Variants in SLC17A5 observed in about 807,000 individuals in gnomAD.
The protein encoded by SLC17A5 is sialin.
In SLC17A5, 47 loss-of-function variants were observed where a neutral mutation model predicts 59.4. That is an observed-to-expected ratio of 0.79 (90% confidence interval 0.63 to 1.01). The LOEUF (loss-of-function observed/expected upper bound fraction) is 1.01. Among genes scored for constraint, SLC17A5 ranks in the 50% least tolerant of loss-of-function variants. The probability of loss-of-function intolerance (pLI) is 0.00; values close to 1 mark genes in which losing one functional copy is unlikely to be tolerated. For synonymous variants in SLC17A5, 202 were observed against 210.7 expected, an observed-to-expected ratio of 0.96 and a Z score of 0.36; for missense variants, 522 against 595.5, an observed-to-expected ratio of 0.88 and a Z score of 1.28.
At chr6:73,621,706 G>A (rs1284864217) in intron 7 of SLC17A5, 98 bp downstream of exon 7, 14 of 972,644 alleles carry the variant, frequency 1.4e-5, no homozygotes, top group Non-Finnish European at 2.0e-5. Flanking sequence ...AGAGTAAAAT[G>A]GAAGATACAG....
chr6:73,623,869 T>C (rs571956357), intron 6 of SLC17A5, among the ~76,000 whole-genome samples: 6 of 151,304 alleles, frequency 4.0e-5, no homozygotes, highest in African/African-American at 1.5e-4. Flanking sequence ...GGCAAATGTT[T>C]TGTATTTTTA....
At chr6:73,641,975 A>G (rs1349555335) in intron 2 of SLC17A5, 51 bp from the exon 3 acceptor site, 1 of 1,469,704 alleles carries the variant, frequency 6.8e-7, no homozygotes, top group Non-Finnish European at 9.5e-7. Flanking sequence ...TTCACAGAGC[A>G]GCTCTTTTCT....
intron 6 of SLC17A5, among the ~76,000 whole-genome samples, chr6:73,630,555 A>AG (rs1768653626): frequency 6.6e-6 from 1 of 152,144 alleles, no homozygotes; most frequent in African/African-American, 2.4e-5. Context: ...ATGGCATCCC[A>AG]GTGCCTAAAG....
chr6:73,622,667 G>A (rs625086), intron 6 of SLC17A5, among the ~76,000 whole-genome samples: 9 of 151,950 alleles, frequency 5.9e-5, no homozygotes, highest in African/African-American at 2.2e-4. Context: ...GAGATTGGAA[G>A]GTCCTGTTAG....
intron 8 of SLC17A5, among the ~76,000 whole-genome samples, chr6:73,611,078 A>G (rs1289875879): frequency 6.6e-6 from 1 of 152,044 alleles, no homozygotes; most frequent in African/African-American, 2.4e-5. Context: ...CCCTGTCTCT[A>G]CGAAATATTA....
At chr6:73,647,161 T>G (rs1043255717) in intron 1 of SLC17A5, among the ~76,000 whole-genome samples, 9 of 152,374 alleles carry the variant, frequency 5.9e-5, no homozygotes, top group African/African-American at 1.2e-4. Flanking sequence ...GATCATTACC[T>G]ATTTCAGCAA....
At chr6:73,601,495 G>A (rs13207135) in intron 9 of SLC17A5, among the ~76,000 whole-genome samples, 3 of 129,562 alleles carry the variant, frequency 2.3e-5, no homozygotes, top group Middle Eastern at 4.0e-3. Context: ...CAGCCGCCCC[G>A]TCCGGGAGGG....
chr6:73,612,789 C>T (rs473473), intron 8 of SLC17A5, among the ~76,000 whole-genome samples: 63,394 of 151,956 alleles, frequency 0.42, 14,065 homozygotes, highest in African/African-American at 0.57. Context: ...CAGTGGCTCA[C>T]GCCTGTAATT....
chr6:73,641,024 A>G (rs1390838336), intron 3 of SLC17A5, among the ~76,000 whole-genome samples: 1 of 152,204 alleles, frequency 6.6e-6, no homozygotes, highest in Non-Finnish European at 1.5e-5. Context: ...TTGGGCATCA[A>G]TGATAGAGCA....
intron 1 of SLC17A5, chr6:73,645,438 C>G: frequency 5.1e-6 from 5 of 985,250 alleles, no homozygotes; most frequent in Non-Finnish European, 6.0e-6. Flanking sequence ...CAGTAGTTAT[C>G]AAGCGTAAAG....
In SLC17A5 at chr6:73,626,526, C is replaced by T. The variant is rs183048267; in HGVS notation, c.820-4564G>A. Among the ~76,000 whole-genome samples, 79 of 152,234 alleles carry T rather than the reference C, an allele frequency of 5.2e-4. 2 individuals are homozygous for T. Among genetic ancestry groups the T allele is most frequent in the Admixed American group, 4.6e-3 (71 of 15,280 alleles). ...AACTTTCAAGTTAAAGATGAATTTT[C>T]AAATGTTACTAGGAGAAACTATCCG... On this transcript the variant is annotated intron_variant, in intron 6 of 10. Coordinates refer to ENST00000355773, the MANE Select transcript of SLC17A5 (RefSeq NM_012434.5).
At chr6:73,624,948 A>G (rs2150102683) in intron 6 of SLC17A5, among the ~76,000 whole-genome samples, 1 of 152,292 alleles carries the variant, frequency 6.6e-6, no homozygotes, top group East Asian at 1.9e-4. Flanking sequence ...TGATCAAGAA[A>G]GCTTGGATAC....
rs1375627657 is a variant in SLC17A5 at position 73,638,459 on chromosome 6, C to G, written c.566G>C (p.Trp189Ser). ...FPAMHAMWSSWAPPLERSKLL... is the reference protein window; with the variant it reads ...FPAMHAMWSSSAPPLERSKLL... ...TTTGCTTCTTTCAAGAGGGGGAGCC[C>G]AAGAAGACCACATGGCATGCATGGC... The change falls in exon 4 of 11, where the codon TGG (tryptophan) becomes TCG (serine). Residue 189 changes from tryptophan (W) to serine (S), a missense_variant. Around this residue, in one of 3 missense-constraint regions of SLC17A5, gnomAD observed 338 missense variants for 363.8 expected, o/e 0.93. Transcript: ENST00000355773. The G allele has an allele frequency of 1.2e-6, 2 of 1,613,820 alleles. No homozygotes were observed. Among genetic ancestry groups the G allele is most frequent in the Non-Finnish European group, 1.7e-6 (2 of 1,179,948 alleles).
At position 73,641,795 on chromosome 6, in the gene SLC17A5, A is replaced by G. The variant is rs779264733; in HGVS notation, c.421T>C (p.Phe141Leu). 6.8e-6 allele frequency: 11 copies of G among 1,614,094 alleles called. No homozygotes were observed. The East Asian group carries it at 8.9e-5, about 13-fold the overall frequency. ...SKIGGKMLLGFGILGTAVLTL... is the reference protein window; with the variant it reads ...SKIGGKMLLGLGILGTAVLTL... Reference sequence around the variant, plus strand: ...AGGACAGCAGTGCCAAGGATCCCAAATCCTAGCAGCATTTTCCCCCCTATT... The same window carrying G: ...AGGACAGCAGTGCCAAGGATCCCAAGTCCTAGCAGCATTTTCCCCCCTATT... Residue 141 changes from phenylalanine (F) to leucine (L), a missense_variant, in exon 3 of 11, where the codon TTT (phenylalanine) becomes CTT (leucine). This residue lies in a region of SLC17A5 where 338 missense variants were observed against 363.8 expected (regional missense o/e 0.93). Transcript: ENST00000355773.
chr6:73,625,229 C>T (rs1768349342), intron 6 of SLC17A5, among the ~76,000 whole-genome samples: 2 of 152,038 alleles, frequency 1.3e-5, no homozygotes, highest in African/African-American at 4.8e-5. Flanking sequence ...CTCTGTTGTC[C>T]AGGATGGAGT....
At chr6:73,631,827 T>C (rs867843020) in intron 6 of SLC17A5, among the ~76,000 whole-genome samples, 1 of 151,660 alleles carries the variant, frequency 6.6e-6, no homozygotes, top group African/African-American at 2.4e-5. Context: ...TTTATTTTTT[T>C]CCTCTTATTC....
At chr6:73,639,114 C>T (rs1756987752) in intron 3 of SLC17A5, among the ~76,000 whole-genome samples, 1 of 152,116 alleles carries the variant, frequency 6.6e-6, no homozygotes, top group African/African-American at 2.4e-5. Flanking sequence ...TACAGCCTTT[C>T]TTCTTTTTTT....
intron 6 of SLC17A5, among the ~76,000 whole-genome samples, chr6:73,624,175 G>A (rs1046154762): frequency 2.0e-5 from 3 of 151,150 alleles, no homozygotes; most frequent in South Asian, 2.1e-4. Context: ...AGGCCGAGGC[G>A]GGCAGATAAC....
At chr6:73,615,495 A>C (rs1767814518) in intron 7 of SLC17A5, 48 bp from the exon 8 acceptor site, 1 of 1,586,914 alleles carries the variant, frequency 6.3e-7, no homozygotes, top group Non-Finnish European at 8.6e-7. Flanking sequence ...AGAGAAAAAA[A>C]CAAAACATAC....
Sources: gnomAD v4.1 joint callset for allele counts (sites outside exome capture counted in the v4.1 genomes callset) on GRCh38, gnomAD v4.1.1 for gene constraint, gnomAD v4.1.1 regional missense constraint, MANE v1.5 for transcripts, NCBI Gene and HGNC (gene_info 2026-07-23, HGNC 2026-07-21) for gene names.